The following VTI1A variants were observed in gnomAD, a reference collection of about 807,000 sequenced individuals.
VTI1A encodes vesicle transport through interaction with t-SNAREs homolog 1A.
A neutral mutation model predicts 34.9 loss-of-function variants in VTI1A; 22 were observed. The ratio of observed to expected loss-of-function variants is 0.63; its 90% CI spans 0.45 to 0.90. VTI1A has a LOEUF of 0.90. Ranked by LOEUF, VTI1A falls within the 40% of genes least tolerant of loss-of-function variation. The pLI is 0.00. For missense variants in VTI1A, 268 were observed against 275.6 expected, an observed-to-expected ratio of 0.97 and a Z score of 0.20; for synonymous variants, 87 against 97.3, an observed-to-expected ratio of 0.89 and a Z score of 0.62.
chr10:112,744,293 T>C (rs1850805710), intron 7 of VTI1A, among the ~76,000 whole-genome samples: 1 of 152,124 alleles, frequency 6.6e-6, no homozygotes, highest in South Asian at 2.1e-4. Flanking sequence ...TCCACTCTCT[T>C]GCCACAACCA....
chr10:112,695,305 A>G (rs1217530872), intron 7 of VTI1A, among the ~76,000 whole-genome samples: 1 of 152,174 alleles, frequency 6.6e-6, no homozygotes, highest in Non-Finnish European at 1.5e-5. Flanking sequence ...AGTAAGAAAC[A>G]TTGGGTATAA....
the VTI1A span, among the ~76,000 whole-genome samples, chr10:112,853,582 A>G: frequency 5.9e-5 from 9 of 152,206 alleles, no homozygotes; most frequent in Admixed American, 5.9e-4. Context: ...ACAGGTGGCC[A>G]GTGGCAAACA....
At chr10:112,783,401 G>GCACACACACACACA (rs58560251) in intron 7 of VTI1A, among the ~76,000 whole-genome samples, 157 of 150,418 alleles carry the variant, frequency 1.0e-3, no homozygotes, top group African/African-American at 3.4e-3. Flanking sequence ...GCGTGCACGT[G>GCACACACACACACA]CACACACACA....
chr10:112,561,231 C>G lies in VTI1A; in HGVS notation c.427+22901C>G, dbSNP rs1467750298. Among the ~76,000 whole-genome samples, 4 of 152,172 alleles carry G rather than the reference C, an allele frequency of 2.6e-5. No homozygotes were observed. In the East Asian group the frequency reaches 7.7e-4, roughly 29 times the overall value. ...TAAGCCAATAATGAATCTAGGTTCC[C>G]TTTTTCATTTGCTGCATGCTTTAGT... On this transcript the variant is annotated intron_variant, in intron 5 of 7. Coordinates refer to ENST00000393077, the MANE Select transcript of VTI1A (RefSeq NM_145206.4).
chr10:112,527,346 C>T, intron 4 of VTI1A, 182 bp downstream of exon 4: 1 of 466,586 alleles, frequency 2.1e-6, no homozygotes, highest in Non-Finnish European at 3.8e-6. Context: ...TTACATTTAA[C>T]CCTTTACCTT....
chr10:112,595,010 AT>A (rs1260856031), intron 5 of VTI1A, among the ~76,000 whole-genome samples: 1 of 145,636 alleles, frequency 6.9e-6, no homozygotes, highest in Non-Finnish European at 1.5e-5. Flanking sequence ...AACGCCACAT[AT>A]CTACAACTAT....
At chr10:112,661,697 C>T (rs1847457940) in intron 5 of VTI1A, among the ~76,000 whole-genome samples, 1 of 149,764 alleles carries the variant, frequency 6.7e-6, no homozygotes, top group East Asian at 2.0e-4. Context: ...TGTATTGTTT[C>T]TGATGAAAAT....
chr10:112,451,666 G>A (rs7090959), intron 1 of VTI1A, among the ~76,000 whole-genome samples: 136,034 of 152,232 alleles, frequency 0.89, 61,526 homozygotes, highest in African/African-American at 0.96. Context: ...CTAGTGGATT[G>A]GTTATGCCAA....
chr10:112,665,180 G>A (rs538817040), intron 5 of VTI1A, among the ~76,000 whole-genome samples: 4 of 151,846 alleles, frequency 2.6e-5, no homozygotes, highest in Admixed American at 1.3e-4. Context: ...TAAACCTAAC[G>A]ATGTTTCTAA....
intron 5 of VTI1A, among the ~76,000 whole-genome samples, chr10:112,591,275 C>CT (rs1328359976): frequency 6.6e-6 from 1 of 152,184 alleles, no homozygotes; most frequent in Non-Finnish European, 1.5e-5. Context: ...AATCCCAGCA[C>CT]TTTGAGAGGC....
At chr10:112,520,521 C>G (rs1849974676) in intron 3 of VTI1A, among the ~76,000 whole-genome samples, 1 of 151,712 alleles carries the variant, frequency 6.6e-6, no homozygotes, top group Non-Finnish European at 1.5e-5. Context: ...GATACAGCAG[C>G]AATATGGGCA....
At chr10:112,482,408 G>C (rs987952752) in intron 3 of VTI1A, among the ~76,000 whole-genome samples, 1 of 152,138 alleles carries the variant, frequency 6.6e-6, no homozygotes, top group African/African-American at 2.4e-5. Flanking sequence ...CTAGGGTGAA[G>C]TTTTTGTCAG....
the VTI1A span, among the ~76,000 whole-genome samples, chr10:112,829,326 C>T: frequency 6.6e-6 from 1 of 152,084 alleles, no homozygotes; most frequent in African/African-American, 2.4e-5. Context: ...TGCCTGTAGT[C>T]CCAGCTACTC....
intron 7 of VTI1A, among the ~76,000 whole-genome samples, chr10:112,721,495 C>A (rs1248841403): frequency 2.6e-5 from 4 of 152,220 alleles, no homozygotes; most frequent in African/African-American, 9.6e-5. Flanking sequence ...TTGATGCTCA[C>A]AATTTGACAA....
intron 3 of VTI1A, among the ~76,000 whole-genome samples, chr10:112,470,772 A>T (rs1368037869): frequency 6.6e-6 from 1 of 152,166 alleles, no homozygotes; most frequent in African/African-American, 2.4e-5. Context: ...CACACTTGTA[A>T]TCCCAGCTAC....
intron 7 of VTI1A, chr10:112,737,949 CG>C (rs1205344101): frequency 1.0e-5 from 10 of 969,178 alleles, no homozygotes; most frequent in Non-Finnish European, 1.2e-5. Flanking sequence ...CACATTTAGG[CG>C]GGGATGCTTA....
intron 3 of VTI1A, among the ~76,000 whole-genome samples, chr10:112,469,056 T>A (rs541405108): frequency 2.0e-5 from 3 of 152,216 alleles, no homozygotes; most frequent in Non-Finnish European, 4.4e-5. Flanking sequence ...TCTGTATATG[T>A]CATGCCATTA....
chr10:112,808,968 C>A (rs1304697257), intron 7 of VTI1A, among the ~76,000 whole-genome samples: 3 of 152,164 alleles, frequency 2.0e-5, no homozygotes, highest in African/African-American at 7.2e-5. Context: ...AAGAGGAATT[C>A]CATCTGGCTT....
intron 7 of VTI1A, among the ~76,000 whole-genome samples, chr10:112,703,578 T>C (rs1311222830): frequency 2.6e-5 from 4 of 151,678 alleles, no homozygotes; most frequent in African/African-American, 9.7e-5. Context: ...AAAAAAAAAA[T>C]TGCTAAAATT....
Sources: gnomAD v4.1 joint callset for allele counts (sites outside exome capture counted in the v4.1 genomes callset) on GRCh38, gnomAD v4.1.1 for gene constraint, MANE v1.5 for transcripts, NCBI Gene and HGNC (gene_info 2026-07-23, HGNC 2026-07-21) for gene names.